Variants in JAKMIP2 observed in about 807,000 individuals in gnomAD.
JAKMIP2 encodes the protein janus kinase and microtubule interacting protein 2, also known as janus kinase and microtubule-interacting protein 2.
A neutral mutation model predicts 115.0 loss-of-function variants in JAKMIP2; 25 were observed. That is an observed-to-expected ratio of 0.22 (90% CI 0.16 to 0.30). The LOEUF is 0.30. JAKMIP2 is among the 10% of genes least tolerant of loss of function. The pLI is 1.00. For missense variants in JAKMIP2, 642 were observed against 957.6 expected (o/e 0.67, Z 4.35); for synonymous variants, 334 against 343.6 (o/e 0.97, Z 0.31).
chr5:147,687,602 T>C (rs1760635101), intron 1 of JAKMIP2, among the ~76,000 whole-genome samples: 1 of 152,180 alleles, frequency 6.6e-6, no homozygotes, highest in South Asian at 2.1e-4. Context: ...TTGATTAGCT[T>C]GGAGTTGCAG....
At chr5:147,695,686 GAGACAGAGAC>G (rs1752077782) in intron 1 of JAKMIP2, among the ~76,000 whole-genome samples, 1 of 144,416 alleles carries the variant, frequency 6.9e-6, no homozygotes, top group Non-Finnish European at 1.5e-5. Context: ...GTGAGAGAGA[GAGACAGAGAC>G]AGAGACAGAG....
In JAKMIP2 at chr5:147,671,672, G is replaced by A. The variant is rs748387270; in HGVS notation, c.129+6C>T. On this transcript the variant is annotated splice_donor_region_variant and intron_variant, in intron 2 of 21. Coordinates refer to ENST00000616793, the MANE Select transcript of JAKMIP2 (RefSeq NM_001270941.2). ...AATGCCACGACCTCAGGTAGCCCTCGCTCACCTTGGACTTCTCTTGATGCA... is the reference window on the plus strand; with the variant it reads ...AATGCCACGACCTCAGGTAGCCCTCACTCACCTTGGACTTCTCTTGATGCA... 27 of 1,424,434 alleles carry A rather than the reference G, an allele frequency of 1.9e-5. No individual in the cohort carries two copies. Among genetic ancestry groups the A allele is most frequent in the South Asian group, 9.8e-5 (6 of 61,008 alleles). The allele number at this position is 1,424,434 out of a possible 1,614,324, so 88.2% of individuals were successfully genotyped here.
intron 1 of JAKMIP2, among the ~76,000 whole-genome samples, chr5:147,755,533 T>C (rs1246288579): frequency 6.6e-6 from 1 of 152,208 alleles, no homozygotes; most frequent in Non-Finnish European, 1.5e-5. Context: ...ACAATAGTGA[T>C]ACACGGATGT....
intron 1 of JAKMIP2, among the ~76,000 whole-genome samples, chr5:147,716,826 C>T (rs1431109101): frequency 1.6e-4 from 23 of 145,708 alleles, no homozygotes; most frequent in African/African-American, 5.9e-4. Context: ...GTTTCTTTTG[C>T]TGTGCAGAAG....
At chr5:147,613,933 C>T (rs1025649442) in intron 19 of JAKMIP2, among the ~76,000 whole-genome samples, 2 of 152,102 alleles carry the variant, frequency 1.3e-5, no homozygotes, top group Admixed American at 6.6e-5. Context: ...TGTGTTTATA[C>T]GTGTATGATT....
chr5:147,715,371 G>GA (rs960361086), intron 1 of JAKMIP2, among the ~76,000 whole-genome samples: 31 of 151,344 alleles, frequency 2.0e-4, no homozygotes, highest in Non-Finnish European at 4.1e-4. Context: ...GGCATACCAG[G>GA]AAAAAATAAC....
At chr5:147,746,334 G>A (rs1754345221) in intron 1 of JAKMIP2, among the ~76,000 whole-genome samples, 1 of 152,106 alleles carries the variant, frequency 6.6e-6, no homozygotes, top group African/African-American at 2.4e-5. Flanking sequence ...TCGATGACCT[G>A]GGTTGTACTC....
At chr5:147,659,373 A>G (rs1028557148) in intron 3 of JAKMIP2, among the ~76,000 whole-genome samples, 1 of 151,752 alleles carries the variant, frequency 6.6e-6, no homozygotes, top group African/African-American at 2.4e-5. Flanking sequence ...CCACTGCCAA[A>G]CCAGTCCCAG....
At chr5:147,740,758 C>T (rs939761927) in intron 1 of JAKMIP2, among the ~76,000 whole-genome samples, 1 of 152,256 alleles carries the variant, frequency 6.6e-6, no homozygotes, top group Middle Eastern at 3.4e-3. Context: ...GTGATTGGCA[C>T]TTAGTATGTG....
At chr5:147,609,855 T>G (rs1039989880) in intron 20 of JAKMIP2, among the ~76,000 whole-genome samples, 4 of 152,052 alleles carry the variant, frequency 2.6e-5, no homozygotes, top group African/African-American at 7.2e-5. Context: ...TCTCATAGTC[T>G]CATATTTCTT....
At chr5:147,601,864 T>A in intron 20 of JAKMIP2, 53 bp from the exon 21 acceptor site, 1 of 814,872 alleles carries the variant, frequency 1.2e-6, no homozygotes. Context: ...GTAGTGCCAT[T>A]CAGGTAGTAC....
rs1420564430 is a variant in JAKMIP2 at position 147,671,955 on chromosome 5, CT to C, written c.-148-2del. 2 of 1,301,212 alleles carry C rather than the reference CT, an allele frequency of 1.5e-6. No individual in the cohort carries two copies. The highest frequency in any genetic ancestry group is 7.4e-5 in the Admixed American group (2 of 27,154). 80.6% of individuals were successfully genotyped at this position (1,301,212 alleles called of 1,614,324 possible). A position where few individuals can be genotyped will look rare whatever the true frequency, so the allele number is the denominator to read the frequency against. ...CTCCTCAATCGCTGCCCTGGAAGCC[CT>C]GAGAAGAGGCAGAGATAGTAGTTAT... On this transcript the variant is annotated splice_acceptor_variant, in intron 1 of 21. Coordinates refer to ENST00000616793, the MANE Select transcript of JAKMIP2 (RefSeq NM_001270941.2). LOFTEE classifies it low-confidence loss of function (5UTR_SPLICE).
chr5:147,653,896 AAGGAAGGGATCCAGT>A (rs1758534958), intron 3 of JAKMIP2, among the ~76,000 whole-genome samples: 1 of 152,200 alleles, frequency 6.6e-6, no homozygotes, highest in Admixed American at 6.5e-5. Flanking sequence ...TATAAGGTGT[AAGGAAGGGATCCAGT>A]TTCAGTTTTC....
intron 1 of JAKMIP2, among the ~76,000 whole-genome samples, chr5:147,747,415 A>C (rs1028928288): frequency 3.3e-5 from 5 of 152,182 alleles, no homozygotes; most frequent in African/African-American, 9.6e-5. Flanking sequence ...ACACGGGCAC[A>C]GCTGGGCCTG....
Position 147,677,589 on chromosome 5 carries a change from A to G in JAKMIP2, c.-148-5635T>C, listed in dbSNP as rs376420373. ...GGATGCCCCATCTGAAATCATCTTG[A>G]ATCATCTACTCCCAATATAGTCCTT... On this transcript the variant is annotated intron_variant, in intron 1 of 21. Transcript: ENST00000616793. 1.4e-3 allele frequency among the ~76,000 whole-genome samples: 217 copies of G among 152,314 alleles called. 5 individuals are homozygous for G. Among genetic ancestry groups the G allele is most frequent in the African/African-American group, 5.1e-3 (211 of 41,568 alleles).
chr5:147,716,599 T>C (rs1256851831), intron 1 of JAKMIP2, among the ~76,000 whole-genome samples: 2 of 152,170 alleles, frequency 1.3e-5, no homozygotes, highest in Non-Finnish European at 2.9e-5. Context: ...TGGCCAGCGA[T>C]GATGAGCATT....
At chr5:147,763,492 T>C (rs1446310119) in intron 1 of JAKMIP2, among the ~76,000 whole-genome samples, 1 of 152,112 alleles carries the variant, frequency 6.6e-6, no homozygotes, top group Non-Finnish European at 1.5e-5. Context: ...CTTGTTGGGG[T>C]CAGGTTACTA....
chr5:147,700,992 T>C (rs1047383689), intron 1 of JAKMIP2, among the ~76,000 whole-genome samples: 5 of 152,076 alleles, frequency 3.3e-5, no homozygotes, highest in African/African-American at 1.2e-4. Flanking sequence ...GAGGAAGGTA[T>C]AATAATAAAG....
chr5:147,691,111 C>T (rs1751824042), intron 1 of JAKMIP2, among the ~76,000 whole-genome samples: 2 of 152,108 alleles, frequency 1.3e-5, no homozygotes, highest in East Asian at 1.9e-4. Context: ...ACTCTCTCAT[C>T]CCCCAGATAC....
Sources: allele counts gnomAD v4.1 joint callset (sites outside exome capture counted in the v4.1 genomes callset), GRCh38; gene constraint gnomAD v4.1.1; transcripts MANE v1.5; gene names NCBI Gene and HGNC (gene_info 2026-07-23, HGNC 2026-07-21).